The following RANBP10 variants were observed in gnomAD, a reference collection of about 807,000 sequenced individuals.
The protein encoded by RANBP10 is ran-binding protein 10.
In RANBP10, 24 loss-of-function variants were observed where a neutral mutation model predicts 72.8. That is an observed-to-expected ratio of 0.33 (90% CI 0.24 to 0.46). The LOEUF is 0.46. Ranked by LOEUF, RANBP10 falls within the 20% of genes least tolerant of loss-of-function variation. The pLI, the probability that RANBP10 is intolerant of heterozygous loss-of-function variation, is 1.00. For missense variants in RANBP10, 679 were observed against 817.5 expected (o/e 0.83, Z 2.07); for synonymous variants, 310 against 322.3 (o/e 0.96, Z 0.41).
In RANBP10 at chr16:67,806,319, A is replaced by T. The variant is rs772520247; in HGVS notation, c.218T>A (p.Leu73His). Residue 73 changes from leucine (L) to histidine (H), a missense_variant, in exon 1 of 14, where the codon CTC becomes CAC. Coordinates refer to ENST00000317506, the MANE Select transcript of RANBP10 (RefSeq NM_020850.3). ...YNYIGLSQGN[L>H]RVHYKGHGKN... ...GCCGATACCTTTGTAGTGGACGCGG[A>T]GGTTGCCCTGGGAGAGACCAATGTA... is the stretch of plus-strand genomic sequence containing the variant. 1.2e-6 allele frequency: 2 copies of T among 1,612,818 alleles called. No individual in the cohort carries two copies. Among genetic ancestry groups the T allele is most frequent in the Non-Finnish European group, 1.7e-6 (2 of 1,179,432 alleles).
chr16:67,760,242 G>A (rs2054370276), intron 3 of RANBP10, among the ~76,000 whole-genome samples: 1 of 152,226 alleles, frequency 6.6e-6, no homozygotes, highest in East Asian at 1.9e-4. Context: ...GGAGGACAGG[G>A]AGGAACGATA....
In RANBP10 at chr16:67,727,217, C is replaced by T. The variant is rs2053618871; in HGVS notation, c.1732+110G>A. 8 of 1,096,492 alleles carry T rather than the reference C, an allele frequency of 7.3e-6. No homozygotes were observed. In the South Asian group the frequency reaches 1.2e-4, roughly 16 times the overall value. 67.9% of individuals were successfully genotyped at this position (1,096,492 alleles called of 1,614,324 possible). On this transcript the variant is annotated intron_variant, in intron 13 of 13. Transcript: ENST00000317506. ...CTGAGGCACGAAAATTGCTTAAACC[C>T]AGGAGGCAGAGGTGGAGATTGCTGT...
intron 4 of RANBP10, among the ~76,000 whole-genome samples, chr16:67,740,269 AT>A (rs1015292922): frequency 2.2e-4 from 33 of 150,754 alleles, no homozygotes; most frequent in Non-Finnish European, 4.4e-4. Context: ...TGCCCAGCTA[AT>A]TTTTTTTTGT....
intron 2 of RANBP10, among the ~76,000 whole-genome samples, chr16:67,776,461 C>CAAAAAAA (rs149876935): frequency 7.9e-5 from 3 of 37,908 alleles, no homozygotes; most frequent in Non-Finnish European, 1.0e-4. Context: ...GACTCCATCT[C>CAAAAAAA]AAAAAAAAAA....
chr16:67,783,614 GCTC>G (rs2054853829), intron 2 of RANBP10, among the ~76,000 whole-genome samples: 2 of 152,044 alleles, frequency 1.3e-5, no homozygotes, highest in Non-Finnish European at 2.9e-5. Context: ...TAAACCAAAG[GCTC>G]CTAAGCTCCT....
chr16:67,727,564 C>T lies in RANBP10; in HGVS notation c.1621-126G>A, dbSNP rs1418725464. 5 of 1,305,786 alleles carry T rather than the reference C, an allele frequency of 3.8e-6. No homozygotes were observed. In the African/African-American group the frequency reaches 4.4e-5, roughly 12 times the overall value. The allele number at this position is 1,305,786 out of a possible 1,614,324, so 80.9% of individuals were successfully genotyped here. On this transcript the variant is annotated intron_variant, in intron 12 of 13. Coordinates refer to ENST00000317506, the MANE Select transcript of RANBP10 (RefSeq NM_020850.3). Reference sequence around the variant, plus strand: ...CTGGAATGTGGGGTGTAGGGTCGGGCAGGGCTGTACTCTCCCCAGAGCCTA... The same window carrying T: ...CTGGAATGTGGGGTGTAGGGTCGGGTAGGGCTGTACTCTCCCCAGAGCCTA...
chr16:67,727,978 G>C (rs533437914), intron 11 of RANBP10, 82 bp from the exon 12 acceptor site: 3 of 1,494,962 alleles, frequency 2.0e-6, no homozygotes, highest in Non-Finnish European at 2.8e-6. Context: ...GAAGGACCCC[G>C]GGTGGGCTGC....
At chr16:67,741,921 C>T (rs2053977101) in intron 4 of RANBP10, among the ~76,000 whole-genome samples, 1 of 152,152 alleles carries the variant, frequency 6.6e-6, no homozygotes, top group African/African-American at 2.4e-5. Context: ...AGAAGATTCA[C>T]CATGCATTCT....
intron 2 of RANBP10, among the ~76,000 whole-genome samples, chr16:67,800,007 G>C (rs2055206106): frequency 6.6e-6 from 1 of 152,156 alleles, no homozygotes; most frequent in African/African-American, 2.4e-5. Flanking sequence ...TGTAGTCCCA[G>C]CTACTCGGGA....
At chr16:67,765,572 C>G (rs1463744210) in intron 3 of RANBP10, among the ~76,000 whole-genome samples, 2 of 152,102 alleles carry the variant, frequency 1.3e-5, no homozygotes, top group Non-Finnish European at 2.9e-5. Context: ...TGCAGTGGCT[C>G]ACGCCTGTAG....
chr16:67,794,930 T>TAAAAAAAAAAAAAAAAAA (rs1239858200), intron 2 of RANBP10, among the ~76,000 whole-genome samples: 1 of 54,286 alleles, frequency 1.8e-5, no homozygotes, highest in Admixed American at 2.1e-4. Context: ...TGCCTCAAAT[T>TAAAAAAAAAAAAAAAAAA]AAAAAAAAAA....
chr16:67,802,458 C>T (rs1423283464), intron 2 of RANBP10, among the ~76,000 whole-genome samples: 8 of 151,956 alleles, frequency 5.3e-5, no homozygotes, highest in African/African-American at 1.7e-4. Context: ...GCCAACATGG[C>T]GAAACCCCAT....
chr16:67,800,360 T>A (rs2055213958), intron 2 of RANBP10, among the ~76,000 whole-genome samples: 1 of 152,046 alleles, frequency 6.6e-6, no homozygotes, highest in Non-Finnish European at 1.5e-5. Context: ...CCTACTACTC[T>A]TGGGTAAAGC....
rs1197398683 is a variant in RANBP10 at position 67,730,548 on chromosome 16, G to C, written c.890-502C>G. On this transcript the variant is annotated intron_variant, in intron 7 of 13. Transcript: ENST00000317506. The surrounding 1 kb of genome is among the most constrained non-coding windows in gnomAD (Gnocchi z 4.3). ...TGCAGCATGCCCCCTGCTGGGAGAG[G>C]AGGCCATCCTCCTCATGCTGGCACC... Among the ~76,000 whole-genome samples, 1 of 152,212 alleles carries C rather than the reference G, an allele frequency of 6.6e-6. No individual in the cohort carries two copies. The highest frequency in any genetic ancestry group is 1.5e-5 in the Non-Finnish European group (1 of 68,028).
At position 67,730,088 on chromosome 16, in the gene RANBP10, C is replaced by A. The variant is rs58377721; in HGVS notation, c.890-42G>T. The A allele has an allele frequency of 1.9e-3, 2,917 of 1,571,080 alleles. 48 individuals are homozygous for A. The African/African-American group carries it at 0.034, about 18-fold the overall frequency. ...CACAGCAGTGAGCGAGGGCTACAGG[C>A]CTCTCCCACAGCCACACACCTGGGA... is the stretch of plus-strand genomic sequence containing the variant. On this transcript the variant is annotated intron_variant, in intron 7 of 13. Transcript: ENST00000317506. The surrounding 1 kb of genome is among the most constrained non-coding windows in gnomAD (Gnocchi z 4.3).
In RANBP10 at chr16:67,745,093, G is replaced by T. The variant is rs954331182; in HGVS notation, c.401-638C>A. ...GATCCGCCCGCCTCAGCCTCCCAAA[G>T]TGCTGGCATTACAGGAGTGAGCCAC... On this transcript the variant is annotated intron_variant, in intron 3 of 13. Coordinates refer to ENST00000317506, the MANE Select transcript of RANBP10 (RefSeq NM_020850.3). Among the ~76,000 whole-genome samples the T allele has an allele frequency of 9.2e-5, 14 of 152,024 alleles. No individual in the cohort carries two copies. The East Asian group carries it at 2.1e-3, about 23-fold the overall frequency.
intron 4 of RANBP10, among the ~76,000 whole-genome samples, chr16:67,742,807 C>T (rs2053994391): frequency 6.6e-6 from 1 of 152,182 alleles, no homozygotes; most frequent in Non-Finnish European, 1.5e-5. Context: ...GCCCCTGGGA[C>T]TTTGACAGCA....
At chr16:67,767,498 G>T (rs937114947) in intron 3 of RANBP10, among the ~76,000 whole-genome samples, 4 of 143,432 alleles carry the variant, frequency 2.8e-5, no homozygotes, top group Non-Finnish European at 6.0e-5. Context: ...ACTGTAACTC[G>T]CGCCTATAAT....
intron 5 of RANBP10, among the ~76,000 whole-genome samples, chr16:67,736,238 C>T (rs929092450): frequency 3.3e-5 from 5 of 152,162 alleles, no homozygotes; most frequent in South Asian, 4.1e-4. Flanking sequence ...TTCAGCTCAC[C>T]GCAACTTCTA....
Sources: allele counts gnomAD v4.1 joint callset (sites outside exome capture counted in the v4.1 genomes callset), GRCh38; gene constraint gnomAD v4.1.1; non-coding constraint Gnocchi (gnomAD v3.1); transcripts MANE v1.5; gene names NCBI Gene and HGNC (gene_info 2026-07-23, HGNC 2026-07-21).